The following TACR1 variants were observed in gnomAD, a reference collection of about 807,000 sequenced individuals.
TACR1 encodes the protein substance-P receptor.
Under a neutral mutation model 35.8 loss-of-function variants are expected in TACR1, and 25 were observed. The observed-to-expected ratio is 0.70, with a 90% CI of 0.51 to 0.98. The LOEUF is 0.98. Among genes scored for constraint, TACR1 ranks in the 50% least tolerant of loss-of-function variants. The pLI, the probability that TACR1 is intolerant of heterozygous loss-of-function variation, is 0.00. For missense variants in TACR1, 478 were observed against 522.9 expected (o/e 0.91, Z 0.84); for synonymous variants, 195 against 206.7 (o/e 0.94, Z 0.48).
chr2:75,167,216 A>G (rs958437599), intron 1 of TACR1, among the ~76,000 whole-genome samples: 4 of 152,186 alleles, frequency 2.6e-5, no homozygotes, highest in African/African-American at 4.8e-5. Flanking sequence ...TTATCCCCCA[A>G]TGTTTTTATA....
At chr2:75,059,113 A>G (rs911433693) in intron 2 of TACR1, among the ~76,000 whole-genome samples, 1 of 152,142 alleles carries the variant, frequency 6.6e-6, no homozygotes, top group African/African-American at 2.4e-5. Flanking sequence ...GTGGGTAGAA[A>G]ATTTCAGCTG....
intron 1 of TACR1, among the ~76,000 whole-genome samples, chr2:75,151,065 G>C (rs1403998832): frequency 6.6e-6 from 1 of 152,238 alleles, no homozygotes; most frequent in African/African-American, 2.4e-5. Context: ...AAGTAATCAA[G>C]AGGTGACTTG....
chr2:75,070,446 T>C (rs1366890157), intron 2 of TACR1, among the ~76,000 whole-genome samples: 3 of 152,200 alleles, frequency 2.0e-5, no homozygotes, highest in Non-Finnish European at 4.4e-5. Context: ...AATGAAATCA[T>C]GTTGATTATG....
In TACR1 at chr2:75,049,485, C is replaced by T. The variant is rs200318180; in HGVS notation, c.1171G>A (p.Asp391Asn). Residue 391 changes from aspartate to asparagine, a missense_variant, in exon 5 of 5, where the codon GAC becomes AAC. Physicochemically the swap from Asp to Asn is conservative, Grantham distance 23 (BLOSUM62 1). Transcript: ENST00000305249. The part of the protein sequence containing the change: ...DLTSNCSSRS[D>N]SKTMTESFSF... ...AAGCTCTCTGTCATGGTCTTGGAGT[C>T]ACTTCGTGAAGAGCAGTTGGAGGTC... 3.1e-6 allele frequency: 5 copies of T among 1,614,094 alleles called. No individual in the cohort carries two copies. The highest frequency in any genetic ancestry group is 1.3e-5 in the African/African-American group (1 of 74,950).
chr2:75,063,791 G>A (rs758609214), intron 2 of TACR1, among the ~76,000 whole-genome samples: 3 of 152,208 alleles, frequency 2.0e-5, no homozygotes, highest in Non-Finnish European at 4.4e-5. Flanking sequence ...CTCAGAACAC[G>A]TAGGACTTTA....
At chr2:75,188,847 T>G (rs1352397571) in intron 1 of TACR1, 1 of 152,172 alleles carries the variant, frequency 6.6e-6, no homozygotes, top group African/African-American at 2.4e-5. Flanking sequence ...GGAACCATAC[T>G]AAGAGCCTGG....
intron 2 of TACR1, among the ~76,000 whole-genome samples, chr2:75,091,864 A>G (rs1673319151): frequency 6.6e-6 from 1 of 152,262 alleles, no homozygotes; most frequent in African/African-American, 2.4e-5. Context: ...GGAAGCCCAC[A>G]TGGGGAAGAA....
chr2:75,049,835 T>C (rs1203468396), intron 4 of TACR1, 112 bp from the exon 5 acceptor site: 15 of 1,256,476 alleles, frequency 1.2e-5, no homozygotes, highest in East Asian at 7.6e-5. Flanking sequence ...GATTCTGTTA[T>C]TGTTTTTAAA....
chr2:75,052,086 G>A (rs1672480317), intron 3 of TACR1, among the ~76,000 whole-genome samples: 1 of 152,190 alleles, frequency 6.6e-6, no homozygotes, highest in South Asian at 2.1e-4. Flanking sequence ...GTGAATACTG[G>A]ATACTATGAT....
intron 1 of TACR1, among the ~76,000 whole-genome samples, chr2:75,142,582 G>A (rs985429553): frequency 7.9e-5 from 12 of 152,130 alleles, no homozygotes; most frequent in East Asian, 7.7e-4. Flanking sequence ...TGAGTGCCAG[G>A]AACTGTGCAA....
intron 1 of TACR1, among the ~76,000 whole-genome samples, chr2:75,172,370 G>C (rs1001588088): frequency 1.3e-5 from 2 of 152,104 alleles, no homozygotes; most frequent in Non-Finnish European, 2.9e-5. Flanking sequence ...TACTCTTTTT[G>C]CAAATGCCTG....
At chr2:75,070,665 A>G (rs1672860512) in intron 2 of TACR1, among the ~76,000 whole-genome samples, 1 of 152,218 alleles carries the variant, frequency 6.6e-6, no homozygotes, top group South Asian at 2.1e-4. Flanking sequence ...TCATGGGTTC[A>G]AGAATTTTTA....
At chr2:75,133,066 G>C (rs1376842540) in intron 1 of TACR1, among the ~76,000 whole-genome samples, 2 of 152,164 alleles carry the variant, frequency 1.3e-5, no homozygotes, top group Non-Finnish European at 2.9e-5. Flanking sequence ...GCAGGTCCTA[G>C]GCTTTGTTTC....
At chr2:75,177,679 C>T (rs540371927) in intron 1 of TACR1, among the ~76,000 whole-genome samples, 12 of 152,208 alleles carry the variant, frequency 7.9e-5, no homozygotes, top group Non-Finnish European at 1.8e-4. Flanking sequence ...CCTACAGTCA[C>T]TCCTCACATA....
intron 1 of TACR1, among the ~76,000 whole-genome samples, chr2:75,150,603 A>G (rs147239676): frequency 2.6e-3 from 401 of 152,350 alleles, no homozygotes; most frequent in Non-Finnish European, 4.3e-3. Flanking sequence ...TGTAAGTCCA[A>G]TTAAACTTCT....
chr2:75,054,446 T>C (rs1672533923), intron 2 of TACR1, among the ~76,000 whole-genome samples: 1 of 152,210 alleles, frequency 6.6e-6, no homozygotes, highest in South Asian at 2.1e-4. Flanking sequence ...TATCTTCAGA[T>C]AGAAGCTGCC....
intron 1 of TACR1, among the ~76,000 whole-genome samples, chr2:75,147,714 T>A (rs2103959273): frequency 6.6e-6 from 1 of 151,574 alleles, no homozygotes; most frequent in East Asian, 1.9e-4. Flanking sequence ...TTCAGCTTCA[T>A]CCAAGTCCCT....
At chr2:75,129,320 A>G (rs1206171309) in intron 1 of TACR1, among the ~76,000 whole-genome samples, 2 of 152,236 alleles carry the variant, frequency 1.3e-5, no homozygotes, top group African/African-American at 4.8e-5. Flanking sequence ...GTAGTTGGCC[A>G]TAATCTTAGA....
At chr2:75,181,299 C>A (rs982171089) in intron 1 of TACR1, among the ~76,000 whole-genome samples, 2 of 151,874 alleles carry the variant, frequency 1.3e-5, no homozygotes, top group African/African-American at 4.8e-5. Flanking sequence ...TGAAAAGCTT[C>A]TTTCCAAAAT....
Sources: gnomAD v4.1 joint callset for allele counts (sites outside exome capture counted in the v4.1 genomes callset) on GRCh38, gnomAD v4.1.1 for gene constraint, MANE v1.5 for transcripts, NCBI Gene and HGNC (gene_info 2026-07-23, HGNC 2026-07-21) for gene names.